The following FAIM variants were observed in gnomAD, a reference collection of about 807,000 sequenced individuals.
The protein encoded by FAIM is Fas apoptotic inhibitory molecule.
A neutral mutation model predicts 21.2 loss-of-function variants in FAIM; 14 were observed. The observed-to-expected ratio is 0.66, with a 90% confidence interval of 0.44 to 1.03. The LOEUF (loss-of-function observed/expected upper bound fraction) is 1.03, where lower values mean the gene tolerates loss of function less well. Among genes scored for constraint, FAIM ranks in the 50% least tolerant of loss-of-function variants. FAIM has a pLI of 0.00. For synonymous variants in FAIM, 86 were observed against 80.4 expected (o/e 1.07, Z -0.37); for missense variants, 222 against 247.1 (o/e 0.90, Z 0.68).
chr3:138,609,587 CTCTCGACTCTCTCTCTCTCTCTCTCG>C (rs2042741441), intron 1 of FAIM, among the ~76,000 whole-genome samples: 1 of 38,494 alleles, frequency 2.6e-5, no homozygotes, highest in Admixed American at 4.2e-4. Flanking sequence ...GACTCTCTCT[CTCTCGACTCTCTCTCTCTCTCTCTCG>C]ACTCTCTCTC....
intron 1 of FAIM, among the ~76,000 whole-genome samples, chr3:138,609,614 A>ACTCT (rs1211208979): frequency 0.012 from 297 of 25,398 alleles, 2 homozygotes; most frequent in Middle Eastern, 0.056. Flanking sequence ...CTCTCTCTCG[A>ACTCT]CTCTCTCTCT....
intron 3 of FAIM, among the ~76,000 whole-genome samples, chr3:138,621,841 G>A (rs1018958032): frequency 6.6e-6 from 1 of 151,700 alleles, no homozygotes; most frequent in African/African-American, 2.4e-5. Flanking sequence ...GGAGTGCAGT[G>A]GCGCAGTCTC....
intron 5 of FAIM, among the ~76,000 whole-genome samples, chr3:138,631,972 C>G (rs897459067): frequency 9.9e-5 from 15 of 152,030 alleles, no homozygotes; most frequent in Admixed American, 4.6e-4. Flanking sequence ...GTTCTATCTA[C>G]TTTGGCTGCC....
intron 1 of FAIM, among the ~76,000 whole-genome samples, chr3:138,612,213 G>C (rs2108332997): frequency 6.7e-6 from 1 of 148,722 alleles, no homozygotes; most frequent in Non-Finnish European, 1.5e-5. Context: ...CCATTCTCCT[G>C]CCTCGGCCTC....
At chr3:138,610,921 A>T in intron 1 of FAIM, 1 of 1,571,990 alleles carries the variant, frequency 6.4e-7, no homozygotes, top group Non-Finnish European at 8.7e-7. Context: ...CTTCTTCGGC[A>T]GAGCTACGAC....
intron 1 of FAIM, among the ~76,000 whole-genome samples, chr3:138,610,322 A>AGATT (rs1184358310): frequency 1.3e-5 from 2 of 151,698 alleles, no homozygotes; most frequent in Admixed American, 6.5e-5. Flanking sequence ...GGATTTTAAA[A>AGATT]GATTGATGGG....
intron 1 of FAIM, 148 bp downstream of exon 1, chr3:138,609,085 C>A: frequency 6.5e-6 from 1 of 153,580 alleles, no homozygotes; most frequent in South Asian, 2.0e-4. Flanking sequence ...GCGGCCATCT[C>A]TGGGCGGCGG....
chr3:138,610,652 G>A (rs899060624), intron 1 of FAIM: 9 of 225,776 alleles, frequency 4.0e-5, no homozygotes, highest in Admixed American at 5.3e-5. Context: ...GCATGATCTC[G>A]GCTCACTGCA....
At chr3:138,622,551 T>A in intron 4 of FAIM, 135 bp downstream of exon 4, 1 of 638,830 alleles carries the variant, frequency 1.6e-6, no homozygotes, top group Non-Finnish European at 2.5e-6. Context: ...TTCATTTGTT[T>A]AGAAACATTA....
chr3:138,625,370 G>A (rs1317855293), intron 4 of FAIM, among the ~76,000 whole-genome samples: 4 of 151,988 alleles, frequency 2.6e-5, no homozygotes, highest in Non-Finnish European at 5.9e-5. Context: ...GGCTGAGGCA[G>A]GAGAATTGCT....
At chr3:138,618,176 GTTTT>G (rs2042848263) in intron 1 of FAIM, among the ~76,000 whole-genome samples, 1 of 151,546 alleles carries the variant, frequency 6.6e-6, no homozygotes, top group Non-Finnish European at 1.5e-5. Flanking sequence ...TATTCTTTTT[GTTTT>G]TATTGTTGTA....
chr3:138,630,980 T>C (rs537376668), intron 5 of FAIM: 1 of 151,836 alleles, frequency 6.6e-6, no homozygotes, highest in African/African-American at 2.4e-5. Context: ...CTACTAAAAA[T>C]ACAAAAATTA....
At chr3:138,617,621 CTAT>C (rs1286203640) in intron 1 of FAIM, among the ~76,000 whole-genome samples, 1 of 140,878 alleles carries the variant, frequency 7.1e-6, no homozygotes. Context: ...ATCTGTCTAT[CTAT>C]AATAGATCTA....
chr3:138,629,003 G>C (rs1220654610), intron 4 of FAIM, 104 bp from the exon 5 acceptor site: 34 of 778,790 alleles, frequency 4.4e-5, no homozygotes, highest in Non-Finnish European at 6.6e-5. Context: ...TGGAGTTTTA[G>C]AGATCTGGTA....
chr3:138,628,024 T>A (rs973608794), intron 4 of FAIM, among the ~76,000 whole-genome samples: 2 of 152,134 alleles, frequency 1.3e-5, no homozygotes, highest in African/African-American at 4.8e-5. Flanking sequence ...TCTTGATTAG[T>A]GTAGTCTTCT....
rs2043022925 is a variant in FAIM at position 138,633,007 on chromosome 3, T to C, written c.534T>C (p.Ser178=). Residue 178 remains serine (S), a synonymous_variant, in exon 6 of 6, where the codon AGT becomes AGC. Coordinates refer to ENST00000360570, the MANE Select transcript of FAIM (RefSeq NM_001033031.2). ...NHDCYIKAVS[S]GKRKEGIIHT... is the part of the protein sequence containing the mutation. The stretch of plus-strand genomic sequence containing the variant: ...ACTGTTACATAAAGGCTGTCAGTAG[T>C]GGGAAGCGGAAAGAAGGGATTATTC... 1 of 1,613,766 alleles carries C rather than the reference T, an allele frequency of 6.2e-7. No homozygotes were observed. The highest frequency in any genetic ancestry group is 1.3e-5 in the African/African-American group (1 of 74,884).
chr3:138,626,960 T>G (rs2042945821), intron 4 of FAIM, among the ~76,000 whole-genome samples: 1 of 152,152 alleles, frequency 6.6e-6, no homozygotes, highest in South Asian at 2.1e-4. Flanking sequence ...AGTTTTAAGT[T>G]TCTTTTGTAT....
intron 5 of FAIM, 63 bp from the exon 6 acceptor site, chr3:138,632,867 G>C: frequency 6.6e-7 from 1 of 1,506,594 alleles, no homozygotes; most frequent in Non-Finnish European, 9.0e-7. Flanking sequence ...TAGATGGTGT[G>C]AATGCTCTAG....
chr3:138,622,457 T>A (rs76712189), intron 4 of FAIM, 41 bp downstream of exon 4: 28 of 1,114,198 alleles, frequency 2.5e-5, no homozygotes, highest in East Asian at 2.0e-4. Context: ...TTTTTTTTTT[T>A]ATAATGTCTG....
Sources: allele counts gnomAD v4.1 joint callset (sites outside exome capture counted in the v4.1 genomes callset), GRCh38; gene constraint gnomAD v4.1.1; transcripts MANE v1.5; gene names NCBI Gene and HGNC (gene_info 2026-07-23, HGNC 2026-07-21).